Variants in POMGNT2 observed in about 807,000 individuals in gnomAD.
The protein encoded by POMGNT2 is protein O-linked-mannose beta-1,4-N-acetylglucosaminyltransferase 2.
POMGNT2 carries 32 observed loss-of-function variants against 37.8 expected under a neutral mutation model. The ratio of observed to expected loss-of-function variants is 0.85; its 90% confidence interval spans 0.64 to 1.14. The LOEUF is 1.14. Among genes scored for constraint, POMGNT2 ranks in the 50% most tolerant of loss-of-function variants. POMGNT2 has a pLI of 0.00. For missense variants in POMGNT2, 705 were observed against 780.6 expected (o/e 0.90, Z 1.15); for synonymous variants, 340 against 336.8 (o/e 1.01, Z -0.10).
chr3:43,094,563 G>A (rs1179226877), intron 1 of POMGNT2, among the ~76,000 whole-genome samples: 3 of 152,214 alleles, frequency 2.0e-5, no homozygotes, highest in South Asian at 2.1e-4. Context: ...GAGCTAAGCC[G>A]CTGTCTTCCA....
Position 43,082,073 on chromosome 3 carries a change from A to G in POMGNT2, c.-105-537T>C, listed in dbSNP as rs146591205. Among the ~76,000 whole-genome samples the G allele has an allele frequency of 1.7e-4, 26 of 152,376 alleles. No homozygotes were observed. In the East Asian group the frequency reaches 5.0e-3, roughly 29 times the overall value. ...AGACATCAGGGCTGAGCAACAGCTG[A>G]TTAAACATCCCTGAAATTCTGGGGC... On this transcript the variant is annotated intron_variant, in intron 1 of 1. Transcript: ENST00000344697.
chr3:43,090,346 C>T (rs1255109532), intron 1 of POMGNT2: 2 of 151,998 alleles, frequency 1.3e-5, no homozygotes, highest in Non-Finnish European at 2.9e-5. Flanking sequence ...CACTGCCATG[C>T]TCTTTCAAAT....
At chr3:43,086,282 TCA>T (rs1219735572) in intron 1 of POMGNT2, among the ~76,000 whole-genome samples, 2 of 152,218 alleles carry the variant, frequency 1.3e-5, no homozygotes, top group Non-Finnish European at 2.9e-5. Context: ...AGGCTCAATG[TCA>T]TCCTTATAAT....
rs76978048 is a variant in POMGNT2 at position 43,087,114 on chromosome 3, A to G, written c.-105-5578T>C. 1.3e-3 allele frequency among the ~76,000 whole-genome samples: 194 copies of G among 152,282 alleles called. 4 individuals carry two copies. The East Asian group carries it at 0.031, about 25-fold the overall frequency. Reference sequence around the variant, plus strand: ...AAAACCATTAGAAGCAAAATAGAAGAAAGGAAGGATTCTCCCCTAGAGCCT... The same window carrying G: ...AAAACCATTAGAAGCAAAATAGAAGGAAGGAAGGATTCTCCCCTAGAGCCT... On this transcript the variant is annotated intron_variant, in intron 1 of 1. Coordinates refer to ENST00000344697, the MANE Select transcript of POMGNT2 (RefSeq NM_032806.6).
intron 1 of POMGNT2, among the ~76,000 whole-genome samples, chr3:43,104,153 A>G (rs76423227): frequency 0.018 from 2,667 of 152,340 alleles, 83 homozygotes; most frequent in African/African-American, 0.061. Flanking sequence ...GCAATTAAGT[A>G]GAGGGGTTAG....
At chr3:43,087,945 G>A (rs543017878) in intron 1 of POMGNT2, 2 of 152,300 alleles carry the variant, frequency 1.3e-5, no homozygotes, top group South Asian at 4.1e-4. Context: ...CAATGAAAAT[G>A]GGGGTACAGT....
At chr3:43,093,566 C>T (rs552472) in intron 1 of POMGNT2, among the ~76,000 whole-genome samples, 148,559 of 152,308 alleles carry the variant, frequency 0.98, 72,561 homozygotes, top group Middle Eastern at 1. Context: ...AGAAACAGCA[C>T]GGTGGATAGA....
intron 1 of POMGNT2, among the ~76,000 whole-genome samples, chr3:43,103,355 G>C (rs545407723): frequency 5.3e-5 from 8 of 152,156 alleles, no homozygotes; most frequent in Middle Eastern, 3.4e-3. Context: ...TGCAGCCCCA[G>C]AACATTTCCC....
At chr3:43,081,614 G>T in intron 1 of POMGNT2, 78 bp from the exon 2 acceptor site, 1 of 609,888 alleles carries the variant, frequency 1.6e-6, no homozygotes, top group Non-Finnish European at 2.8e-6. Flanking sequence ...TATGTGCCAG[G>T]CACGGTAGCT....
chr3:43,096,011 G>A (rs529267732), intron 1 of POMGNT2, among the ~76,000 whole-genome samples: 1 of 152,350 alleles, frequency 6.6e-6, no homozygotes, highest in Admixed American at 6.5e-5. Flanking sequence ...CTGGGTGGAT[G>A]TGATCACAGT....
intron 1 of POMGNT2, among the ~76,000 whole-genome samples, chr3:43,091,579 T>C (rs185788038): frequency 6.6e-6 from 1 of 152,238 alleles, no homozygotes; most frequent in East Asian, 1.9e-4. Context: ...AATTAGTGGG[T>C]GAAAAAGTAT....
chr3:43,080,803 C>A lies in POMGNT2; in HGVS notation c.629G>T (p.Ser210Ile), dbSNP rs561770941. Residue 210 changes from serine to isoleucine, a missense_variant, in exon 2 of 2, where the codon AGC becomes ATC. Coordinates refer to ENST00000344697, the MANE Select transcript of POMGNT2 (RefSeq NM_032806.6). ...GAHFDLYKLL[S>I]PKQPLLRAQL... The stretch of plus-strand genomic sequence containing the variant: ...TGCCCGCAGGAGAGGCTGCTTGGGG[C>A]TGAGCAGCTTGTAGAGGTCGAAGTG... 3.4e-5 allele frequency: 55 copies of A among 1,613,996 alleles called. No individual in the cohort carries two copies. In the South Asian group the frequency reaches 5.6e-4, roughly 16 times the overall value.
chr3:43,080,099 GGAA>G lies in POMGNT2; in HGVS notation c.1330_1332del (p.Phe444del). 2 of 1,613,868 alleles carry G rather than the reference GGAA, an allele frequency of 1.2e-6. No individual in the cohort carries two copies. The highest frequency in any genetic ancestry group is 4.5e-5 in the East Asian group (2 of 44,880). ...TCCACCTTGGTGTCCTGGTAGATTC[GGAA>G]GAGCCACTCGGGGTTCCGGCAACAG... On this transcript the variant is annotated inframe_deletion, in exon 2 of 2. Coordinates refer to ENST00000344697, the MANE Select transcript of POMGNT2 (RefSeq NM_032806.6).
At chr3:43,089,000 C>A (rs1306826774) in intron 1 of POMGNT2, among the ~76,000 whole-genome samples, 1 of 152,230 alleles carries the variant, frequency 6.6e-6, no homozygotes, top group Non-Finnish European at 1.5e-5. Flanking sequence ...TGTTTCTGAG[C>A]TCTGTGCTCT....
chr3:43,092,542 C>T (rs1335560967), intron 1 of POMGNT2, among the ~76,000 whole-genome samples: 1 of 152,182 alleles, frequency 6.6e-6, no homozygotes, highest in Non-Finnish European at 1.5e-5. Context: ...AAGCAATCCT[C>T]CTGCCTCAAC....
In POMGNT2 at chr3:43,084,427, C is replaced by T. The variant is rs553326146; in HGVS notation, c.-105-2891G>A. On this transcript the variant is annotated intron_variant, in intron 1 of 1. Coordinates refer to ENST00000344697, the MANE Select transcript of POMGNT2 (RefSeq NM_032806.6). ...TTGGGAGGCCAAGGCGGGTGGATCA[C>T]GAGGTCAGGAGTTCGAGACCACCCT... is the stretch of plus-strand genomic sequence containing the variant. Among the ~76,000 whole-genome samples, 106 of 152,152 alleles carry T rather than the reference C, an allele frequency of 7.0e-4. 1 individual carries two copies. The highest frequency in any genetic ancestry group is 2.2e-3 in the African/African-American group (91 of 41,512).
chr3:43,097,661 T>C (rs1192154308), intron 1 of POMGNT2, among the ~76,000 whole-genome samples: 1 of 152,000 alleles, frequency 6.6e-6, no homozygotes, highest in Non-Finnish European at 1.5e-5. Flanking sequence ...GATCTATCTC[T>C]AAACACAATC....
intron 1 of POMGNT2, among the ~76,000 whole-genome samples, chr3:43,085,069 C>T (rs76908246): frequency 0.021 from 3,143 of 151,416 alleles, 116 homozygotes; most frequent in African/African-American, 0.072. Context: ...CCAATACCAT[C>T]GTGGCTGGGA....
At chr3:43,095,759 C>T (rs1435069335) in intron 1 of POMGNT2, among the ~76,000 whole-genome samples, 1 of 152,190 alleles carries the variant, frequency 6.6e-6, no homozygotes, top group Non-Finnish European at 1.5e-5. Context: ...AAACCACCCT[C>T]AAGATACAGA....
Sources: gnomAD v4.1 joint callset for allele counts (sites outside exome capture counted in the v4.1 genomes callset) on GRCh38, gnomAD v4.1.1 for gene constraint, MANE v1.5 for transcripts, NCBI Gene and HGNC (gene_info 2026-07-23, HGNC 2026-07-21) for gene names.